Variants in COL25A1 observed in about 807,000 individuals in gnomAD.
COL25A1 encodes the protein collagen type XXV alpha 1 chain, also known as collagen alpha-1(XXV) chain.
COL25A1 carries 103 observed loss-of-function variants against 128.4 expected under a neutral mutation model. The observed-to-expected ratio is 0.80, with a 90% CI of 0.68 to 0.94. The LOEUF (loss-of-function observed/expected upper bound fraction) is 0.94, where lower values mean the gene tolerates loss of function less well. COL25A1 is among the 40% of genes least tolerant of loss of function. The probability of loss-of-function intolerance (pLI) is 0.00; values close to 1 mark genes in which losing one functional copy is unlikely to be tolerated. For synonymous variants in COL25A1, 279 were observed against 277.2 expected, an observed-to-expected ratio of 1.01 and a Z score of -0.06; for missense variants, 745 against 840.0, an observed-to-expected ratio of 0.89 and a Z score of 1.40.
At chr4:109,130,628 C>A (rs1769107288) in intron 3 of COL25A1, among the ~76,000 whole-genome samples, 1 of 151,914 alleles carries the variant, frequency 6.6e-6, no homozygotes, top group Non-Finnish European at 1.5e-5. Context: ...TATGTTGGGA[C>A]CAAGCAAACA....
At chr4:109,123,641 C>T (rs958523357) in intron 3 of COL25A1, among the ~76,000 whole-genome samples, 1 of 151,958 alleles carries the variant, frequency 6.6e-6, no homozygotes, top group African/African-American at 2.4e-5. Flanking sequence ...TTAAGAAGTA[C>T]AGCATTTCAC....
chr4:109,216,051 C>G (rs1777953815), intron 3 of COL25A1, among the ~76,000 whole-genome samples: 1 of 152,094 alleles, frequency 6.6e-6, no homozygotes, highest in Non-Finnish European at 1.5e-5. Context: ...GCCCCCATAT[C>G]TCTTGATCCT....
chr4:109,130,016 A>G (rs1398597597), intron 3 of COL25A1, among the ~76,000 whole-genome samples: 1 of 151,708 alleles, frequency 6.6e-6, no homozygotes, highest in South Asian at 2.1e-4. Context: ...AAAAAAAAAA[A>G]AAGAATAAAA....
intron 6 of COL25A1, among the ~76,000 whole-genome samples, chr4:108,998,049 C>G (rs973626491): frequency 1.1e-4 from 16 of 152,144 alleles, no homozygotes; most frequent in African/African-American, 3.9e-4. Flanking sequence ...GAAGCATTCC[C>G]TTTGAAAACT....
intron 5 of COL25A1, among the ~76,000 whole-genome samples, chr4:109,018,976 G>GT (rs372828121): frequency 3.9e-5 from 6 of 152,286 alleles, no homozygotes; most frequent in Non-Finnish European, 7.3e-5. Flanking sequence ...AAGTGTGATG[G>GT]TTAATAGGGA....
At chr4:109,095,905 G>C (rs902474373) in intron 3 of COL25A1, among the ~76,000 whole-genome samples, 1 of 152,120 alleles carries the variant, frequency 6.6e-6, no homozygotes, top group Non-Finnish European at 1.5e-5. Context: ...AGAGTAGCAA[G>C]AGAAATTGTT....
intron 3 of COL25A1, among the ~76,000 whole-genome samples, chr4:109,064,218 A>C (rs1016345784): frequency 2.0e-5 from 3 of 152,222 alleles, no homozygotes; most frequent in African/African-American, 7.2e-5. Flanking sequence ...TGGACCTTGG[A>C]AACAGTTTCA....
At position 108,862,501 on chromosome 4, in the gene COL25A1, C is replaced by A. The variant is rs755738364; in HGVS notation, c.1197G>T (p.Lys399Asn). The A allele has an allele frequency of 1.1e-5, 17 of 1,610,040 alleles. No homozygotes were observed. Among genetic ancestry groups the A allele is most frequent in the African/African-American group, 2.7e-5 (2 of 74,846 alleles). ...ESGTRGPKGS[K>N]GDRGEKGDSG... ...TTTAAATGGTTATCTGGTTACTGAC[C>A]TTTGACCCCTTTGGGCCTCTAGTTC... Residue 399 changes from lysine (K) to asparagine (N), a missense_variant and splice_region_variant, in exon 22 of 38, where the codon AAG (lysine) becomes AAT (asparagine). Lys to Asn is a moderately conservative substitution (Grantham distance 94, BLOSUM62 0). Around this residue, in one of 3 missense-constraint regions of COL25A1, gnomAD observed 387 missense variants for 441.9 expected, o/e 0.88. Transcript: ENST00000399132.
chr4:109,109,784 C>G (rs1331309945), intron 3 of COL25A1, among the ~76,000 whole-genome samples: 1 of 152,156 alleles, frequency 6.6e-6, no homozygotes, highest in Non-Finnish European at 1.5e-5. Context: ...ATGTCTACAT[C>G]CACATGTGAG....
chr4:109,279,563 A>T (rs1001244841), intron 3 of COL25A1, among the ~76,000 whole-genome samples: 1 of 152,200 alleles, frequency 6.6e-6, no homozygotes, highest in African/African-American at 2.4e-5. Context: ...GCGACACAGC[A>T]AGACCCTGTC....
chr4:108,957,930 G>A (rs1002310650), intron 8 of COL25A1, among the ~76,000 whole-genome samples: 2 of 151,946 alleles, frequency 1.3e-5, no homozygotes, highest in African/African-American at 4.8e-5. Context: ...AAAGCAAAAT[G>A]TGACCTCTTA....
intron 11 of COL25A1, among the ~76,000 whole-genome samples, chr4:108,931,666 C>A (rs1746759525): frequency 6.6e-6 from 1 of 152,158 alleles, no homozygotes; most frequent in Non-Finnish European, 1.5e-5. Flanking sequence ...ACGTAGGAAT[C>A]AACACAGAGC....
chr4:109,000,743 CAAAAAAAA>C (rs1180104512), intron 6 of COL25A1, among the ~76,000 whole-genome samples: 7 of 36,422 alleles, frequency 1.9e-4, no homozygotes, highest in East Asian at 5.3e-4. Flanking sequence ...GAGACTCTGT[CAAAAAAAA>C]AAAAAAAAAA....
At chr4:108,952,702 GAAA>G (rs964054538) in intron 8 of COL25A1, among the ~76,000 whole-genome samples, 8 of 152,050 alleles carry the variant, frequency 5.3e-5, no homozygotes, top group African/African-American at 1.9e-4. Context: ...TCCATTTTCT[GAAA>G]GGAAACAGTC....
chr4:109,185,024 T>C (rs1372479105), intron 3 of COL25A1, among the ~76,000 whole-genome samples: 1 of 152,218 alleles, frequency 6.6e-6, no homozygotes, highest in Non-Finnish European at 1.5e-5. Flanking sequence ...GTTTGTTTTT[T>C]GAAATTCAAA....
intron 27 of COL25A1, among the ~76,000 whole-genome samples, chr4:108,847,533 A>G (rs1735254591): frequency 6.6e-6 from 1 of 152,100 alleles, no homozygotes. Context: ...TAGTGATGGC[A>G]GCAGGACGGC....
At chr4:109,164,511 G>A (rs1241022250) in intron 3 of COL25A1, among the ~76,000 whole-genome samples, 2 of 152,110 alleles carry the variant, frequency 1.3e-5, no homozygotes, top group Non-Finnish European at 2.9e-5. Flanking sequence ...GTTTTTTAAT[G>A]TTAAGAGACA....
At chr4:109,245,151 C>T (rs999201509) in intron 3 of COL25A1, among the ~76,000 whole-genome samples, 1 of 152,008 alleles carries the variant, frequency 6.6e-6, no homozygotes, top group African/African-American at 2.4e-5. Flanking sequence ...GTAAAGGAGG[C>T]CCTATTGATA....
intron 3 of COL25A1, among the ~76,000 whole-genome samples, chr4:109,082,493 G>T (rs1424765976): frequency 6.6e-6 from 1 of 152,134 alleles, no homozygotes; most frequent in Non-Finnish European, 1.5e-5. Context: ...CCGTCCTCAT[G>T]CATGTGAGGT....
Sources: gnomAD v4.1 joint callset for allele counts (sites outside exome capture counted in the v4.1 genomes callset) on GRCh38, gnomAD v4.1.1 for gene constraint, gnomAD v4.1.1 regional missense constraint, MANE v1.5 for transcripts, NCBI Gene and HGNC (gene_info 2026-07-23, HGNC 2026-07-21) for gene names.